TARS2: variants seen among roughly 807,000 people sequenced by gnomAD.
TARS2 encodes threonine--tRNA ligase, mitochondrial.
In TARS2, 61 loss-of-function variants were observed where a neutral mutation model predicts 94.4. That is an observed-to-expected ratio of 0.65 (90% CI 0.53 to 0.80). The LOEUF is 0.80. Among genes scored for constraint, TARS2 ranks in the 30% least tolerant of loss-of-function variants. The pLI, the probability that TARS2 is intolerant of heterozygous loss-of-function variation, is 0.00. For synonymous variants in TARS2, 359 were observed against 353.4 expected (o/e 1.02, Z -0.18); for missense variants, 704 against 902.5 (o/e 0.78, Z 2.82).
At chr1:150,492,374 T>C in intron 6 of TARS2, 37 bp from the exon 7 acceptor site, 2 of 1,605,154 alleles carry the variant, frequency 1.2e-6, no homozygotes, top group Non-Finnish European at 1.7e-6. Context: ...AAGCTGAAGA[T>C]TCTGAAAATC....
At chr1:150,502,069 C>T (rs1392528045) in intron 13 of TARS2, among the ~76,000 whole-genome samples, 4 of 151,696 alleles carry the variant, frequency 2.6e-5, no homozygotes, top group Admixed American at 6.6e-5. Flanking sequence ...TGTACCACCA[C>T]GCCCGGCTAA....
chr1:150,487,579 T>A, intron 1 of TARS2, 63 bp downstream of exon 1: 1 of 1,607,208 alleles, frequency 6.2e-7, no homozygotes, highest in Non-Finnish European at 8.5e-7. Context: ...AGCCCCCAAA[T>A]TTTTATGTTA....
intron 13 of TARS2, 101 bp from the exon 14 acceptor site, chr1:150,504,234 A>T: frequency 2.7e-6 from 3 of 1,091,390 alleles, no homozygotes; most frequent in Non-Finnish European, 4.1e-6. Context: ...GTAGCCCGGG[A>T]TGAGGGTAGG....
Position 150,507,198 on chromosome 1 carries a change from A to G in TARS2, c.*134A>G. ...TGGAGGCACATGTCTGCTCTCCTGA[A>G]AAGAGACTTGGTTTGGGGACCCCAC... On this transcript the variant is annotated 3_prime_UTR_variant, in exon 18 of 18. Coordinates refer to ENST00000369064, the MANE Select transcript of TARS2 (RefSeq NM_025150.5). The G allele has an allele frequency of 7.9e-7, 1 of 1,260,338 alleles. No individual in the cohort carries two copies. Among genetic ancestry groups the G allele is most frequent in the South Asian group, 1.6e-5 (1 of 62,290 alleles). The allele number at this position is 1,260,338 out of a possible 1,614,324, so 78.1% of individuals were successfully genotyped here.
intron 13 of TARS2, 77 bp downstream of exon 13, chr1:150,499,370 G>T (rs587596308): frequency 1.4e-4 from 183 of 1,335,650 alleles, no homozygotes; most frequent in Non-Finnish European, 1.7e-4. Flanking sequence ...TAGATACAAA[G>T]AATTTTTTTT....
intron 3 of TARS2, among the ~76,000 whole-genome samples, 192 bp from the exon 4 acceptor site, chr1:150,490,409 G>C (rs1393435864): frequency 1.3e-5 from 2 of 152,044 alleles, no homozygotes; most frequent in Non-Finnish European, 2.9e-5. Context: ...ATGAGCTGCT[G>C]TGCCCAGCCT....
rs1347711365 is a variant in TARS2 at position 150,498,611 on chromosome 1, C to T, written c.1348C>T (p.Arg450Ter). 3 of 1,612,418 alleles carry T rather than the reference C, an allele frequency of 1.9e-6. No homozygotes were observed. Among genetic ancestry groups the T allele is most frequent in the Non-Finnish European group, 1.7e-6 (2 of 1,179,560 alleles). ...EASGGLGGLT[R>*]LRCFQQDDAH... ...CTCTGGTGGTCTGGGGGGACTGACC[C>T]GACTGCGGTGCTTCCAGCAGGATGA... is the stretch of plus-strand genomic sequence containing the variant. Residue 450 changes from arginine (R) to a stop codon, truncating the protein, a stop_gained, in exon 11 of 18, where the codon CGA becomes TGA. Coordinates refer to ENST00000369064, the MANE Select transcript of TARS2 (RefSeq NM_025150.5). LOFTEE classifies it high-confidence loss of function.
At chr1:150,492,829 T>G (rs1353088759) in intron 7 of TARS2, among the ~76,000 whole-genome samples, 1 of 123,402 alleles carries the variant, frequency 8.1e-6, no homozygotes, top group African/African-American at 3.2e-5. Flanking sequence ...AAAAAAAAAA[T>G]TCCTGGTTTC....
intron 13 of TARS2, among the ~76,000 whole-genome samples, chr1:150,502,952 A>C (rs371817831): frequency 2.6e-5 from 4 of 152,330 alleles, no homozygotes; most frequent in African/African-American, 9.6e-5. Context: ...AATGTGCTTA[A>C]GGTTACAGAT....
In TARS2 at chr1:150,497,599, C is replaced by T. The variant is rs751181138; in HGVS notation, c.1090C>T (p.Gln364Ter). The T allele has an allele frequency of 2.5e-6, 4 of 1,614,038 alleles. No individual in the cohort carries two copies. The highest frequency in any genetic ancestry group is 1.3e-5 in the African/African-American group (1 of 74,910). The change falls in exon 10 of 18, where the codon CAG (glutamine) becomes TAG (stop). Residue 364 changes from glutamine to a stop codon, truncating the protein, a stop_gained. Transcript: ENST00000369064. LOFTEE classifies it high-confidence loss of function. Reference protein sequence around the residue: ...PTLFSTKLWEQSGHWEHYQED... With the variant: ...PTLFSTKLWE ...ACTGTTTTCTACGAAGCTCTGGGAA[C>T]AGTCAGGGCACTGGGAGCATTATCA...
chr1:150,497,508 A>T (rs587741377), intron 9 of TARS2, 22 bp from the exon 10 acceptor site: 1 of 1,611,198 alleles, frequency 6.2e-7, no homozygotes, highest in African/African-American at 1.3e-5. Context: ...CTGACCTTCC[A>T]TGTCTGTACC....
chr1:150,504,991 G>T lies in TARS2; in HGVS notation c.1893+13G>T, dbSNP rs1447381481. On this transcript the variant is annotated intron_variant, in intron 16 of 17. Transcript: ENST00000369064. The stretch of plus-strand genomic sequence containing the variant: ...ATACGCCAAAGAGGTAAGGAGTTGA[G>T]GTAAGGGAGGGGGCAGAAGCAGGTC... 1.2e-6 allele frequency: 2 copies of T among 1,613,912 alleles called. No individual in the cohort carries two copies. The highest frequency in any genetic ancestry group is 1.1e-5 in the South Asian group (1 of 91,052).
At position 150,505,699 on chromosome 1, in the gene TARS2, C is replaced by T. The variant is rs1462240045; in HGVS notation, c.2002C>T (p.Gln668Ter). Residue 668 changes from glutamine to a stop codon, truncating the protein, a stop_gained, in exon 17 of 18, where the codon CAG becomes TAG. Transcript: ENST00000369064. LOFTEE classifies it high-confidence loss of function. ...RRAQLAHYNF[Q>*]FVVGQKEQSK... Reference sequence around the variant, plus strand: ...GGCCCAGCTTGCCCACTACAATTTTCAGTTTGGTAAGCTGAACCTCAGAGC... The same window carrying T: ...GGCCCAGCTTGCCCACTACAATTTTTAGTTTGGTAAGCTGAACCTCAGAGC... The T allele has an allele frequency of 6.2e-7, 1 of 1,613,434 alleles. No homozygotes were observed. Among genetic ancestry groups the T allele is most frequent in the Non-Finnish European group, 8.5e-7 (1 of 1,179,816 alleles).
intron 4 of TARS2, 105 bp downstream of exon 4, chr1:150,490,830 G>A (rs1398969815): frequency 3.4e-6 from 5 of 1,491,508 alleles, no homozygotes; most frequent in Admixed American, 3.9e-5. Flanking sequence ...GGAGGAGAAG[G>A]GTTTCTCTAG....
At chr1:150,493,471 C>G (rs1421048260) in intron 7 of TARS2, among the ~76,000 whole-genome samples, 1 of 152,008 alleles carries the variant, frequency 6.6e-6, no homozygotes, top group Non-Finnish European at 1.5e-5. Context: ...TATGAAAATA[C>G]CGTTCTGCAT....
chr1:150,490,406 G>T (rs1669330456), intron 3 of TARS2, among the ~76,000 whole-genome samples, 195 bp from the exon 4 acceptor site: 1 of 152,058 alleles, frequency 6.6e-6, no homozygotes, highest in African/African-American at 2.4e-5. Flanking sequence ...GGCATGAGCT[G>T]CTGTGCCCAG....
At chr1:150,502,048 G>A (rs777693197) in intron 13 of TARS2, among the ~76,000 whole-genome samples, 1 of 151,742 alleles carries the variant, frequency 6.6e-6, no homozygotes, top group Admixed American at 6.6e-5. Context: ...GAGTAGCTGG[G>A]ATTACAGGCA....
chr1:150,496,473 C>T lies in TARS2; in HGVS notation c.775-9C>T. 1 of 1,605,244 alleles carries T rather than the reference C, an allele frequency of 6.2e-7. No individual in the cohort carries two copies. The highest frequency in any genetic ancestry group is 8.5e-7 in the Non-Finnish European group (1 of 1,174,214). ...CATCTTTCCTTTGATCCCCTATGTC[C>T]TCACACAGAACTCATCATCCTTATG... is the stretch of plus-strand genomic sequence containing the variant. On this transcript the variant is annotated splice_polypyrimidine_tract_variant and intron_variant, in intron 7 of 17. Transcript: ENST00000369064.
chr1:150,489,784 A>C (rs1669303325), intron 3 of TARS2, among the ~76,000 whole-genome samples: 1 of 152,118 alleles, frequency 6.6e-6, no homozygotes, highest in Non-Finnish European at 1.5e-5. Context: ...TCTACTAAAA[A>C]TACAAAAATT....
Sources: gnomAD v4.1 joint callset for allele counts (sites outside exome capture counted in the v4.1 genomes callset) on GRCh38, gnomAD v4.1.1 for gene constraint, MANE v1.5 for transcripts, NCBI Gene and HGNC (gene_info 2026-07-23, HGNC 2026-07-21) for gene names.